Variants in EFNA5 observed in about 807,000 individuals in gnomAD.
EFNA5 encodes the protein ephrin-A5.
EFNA5 carries 5 observed loss-of-function variants against 22.9 expected under a neutral mutation model. The ratio of observed to expected loss-of-function variants is 0.22; its 90% CI spans 0.11 to 0.46. The LOEUF is 0.46. EFNA5 is among the 20% of genes least tolerant of loss of function. EFNA5 has a pLI of 0.99. For missense variants in EFNA5, 237 were observed against 293.3 expected, an observed-to-expected ratio of 0.81 and a Z score of 1.40; for synonymous variants, 113 against 112.2, an observed-to-expected ratio of 1.01 and a Z score of -0.04.
chr5:107,633,537 C>T (rs976315424), intron 1 of EFNA5, among the ~76,000 whole-genome samples: 1 of 152,242 alleles, frequency 6.6e-6, no homozygotes, highest in East Asian at 1.9e-4. Context: ...AACTTTTCCA[C>T]TTGTGAGCAC....
chr5:107,609,662 C>G (rs1263314893), intron 1 of EFNA5, among the ~76,000 whole-genome samples: 1 of 152,178 alleles, frequency 6.6e-6, no homozygotes, highest in African/African-American at 2.4e-5. Flanking sequence ...CAGTGTTATG[C>G]AGGGAAAACG....
intron 4 of EFNA5, among the ~76,000 whole-genome samples, chr5:107,382,336 C>G (rs1383407914): frequency 6.6e-6 from 1 of 152,086 alleles, no homozygotes; most frequent in Non-Finnish European, 1.5e-5. Context: ...TCCACCTGAC[C>G]TAACTTATGC....
At chr5:107,454,792 C>T (rs987458617) in intron 1 of EFNA5, among the ~76,000 whole-genome samples, 3 of 152,024 alleles carry the variant, frequency 2.0e-5, no homozygotes, top group Non-Finnish European at 4.4e-5. Context: ...AGGAAGAATA[C>T]ATTTCAGAAA....
Position 107,487,621 on chromosome 5 carries a change from T to C in EFNA5, c.126-60112A>G, listed in dbSNP as rs111865516. 7.8e-3 allele frequency among the ~76,000 whole-genome samples: 1,193 copies of C among 152,274 alleles called. 10 individuals are homozygous for C. Among genetic ancestry groups the C allele is most frequent in the African/African-American group, 0.025 (1,055 of 41,554 alleles). On this transcript the variant is annotated intron_variant, in intron 1 of 4. Coordinates refer to ENST00000333274, the MANE Select transcript of EFNA5 (RefSeq NM_001962.3). ...GGTGTCAAATTACAAAGAATGAGAA[T>C]TTTTCACTTGATCCAAAAGGTAATA... is the stretch of plus-strand genomic sequence containing the variant.
chr5:107,481,855 A>AAC (rs1328469933), intron 1 of EFNA5, among the ~76,000 whole-genome samples: 3 of 150,474 alleles, frequency 2.0e-5, no homozygotes, highest in African/African-American at 7.3e-5. Context: ...ATCTCAAAAA[A>AAC]AAAAAAAAGA....
intron 1 of EFNA5, among the ~76,000 whole-genome samples, chr5:107,515,525 T>C (rs1747458000): frequency 6.6e-6 from 1 of 151,706 alleles, no homozygotes. Flanking sequence ...ACTACAGGCA[T>C]GCGCCACCAC....
chr5:107,666,739 T>C (rs559111178), intron 1 of EFNA5, among the ~76,000 whole-genome samples: 7 of 152,256 alleles, frequency 4.6e-5, no homozygotes, highest in Admixed American at 1.3e-4. Flanking sequence ...GTAGGAGATA[T>C]GTTTAATTAC....
chr5:107,558,103 A>G (rs1369513642), intron 1 of EFNA5, among the ~76,000 whole-genome samples: 1 of 151,984 alleles, frequency 6.6e-6, no homozygotes, highest in Non-Finnish European at 1.5e-5. Context: ...TGAGAGGGGG[A>G]GGGGCATTAA....
intron 2 of EFNA5, among the ~76,000 whole-genome samples, chr5:107,405,305 TACAAATC>T (rs1385477763): frequency 6.6e-6 from 1 of 152,092 alleles, no homozygotes; most frequent in Non-Finnish European, 1.5e-5. Flanking sequence ...AAAAGGAACA[TACAAATC>T]AGAAACGTCT....
chr5:107,455,708 G>A (rs77430159), intron 1 of EFNA5, among the ~76,000 whole-genome samples: 3,460 of 152,188 alleles, frequency 0.023, 114 homozygotes, highest in African/African-American at 0.077. Flanking sequence ...CATCTCCTTA[G>A]GACAATGCAC....
chr5:107,478,133 A>G (rs1207459330), intron 1 of EFNA5, among the ~76,000 whole-genome samples: 2 of 152,174 alleles, frequency 1.3e-5, no homozygotes, highest in Non-Finnish European at 2.9e-5. Flanking sequence ...CTCATTACTC[A>G]GCTGTTTGTG....
At chr5:107,667,261 T>TCC (rs1751096932) in intron 1 of EFNA5, among the ~76,000 whole-genome samples, 1 of 152,124 alleles carries the variant, frequency 6.6e-6, no homozygotes, top group Non-Finnish European at 1.5e-5. Context: ...ATCAGTTTGG[T>TCC]CCCCTATCCA....
At chr5:107,489,194 G>A (rs1019972841) in intron 1 of EFNA5, among the ~76,000 whole-genome samples, 3 of 152,108 alleles carry the variant, frequency 2.0e-5, no homozygotes, top group Non-Finnish European at 4.4e-5. Context: ...TGTTTATTTA[G>A]ATGGAGTCTT....
At chr5:107,472,886 G>C (rs1473048014) in intron 1 of EFNA5, among the ~76,000 whole-genome samples, 1 of 152,174 alleles carries the variant, frequency 6.6e-6, no homozygotes, top group Non-Finnish European at 1.5e-5. Flanking sequence ...TAGGACCAAG[G>C]GATGCAAATG....
chr5:107,652,629 G>T (rs1414611239), intron 1 of EFNA5, among the ~76,000 whole-genome samples: 1 of 152,178 alleles, frequency 6.6e-6, no homozygotes, highest in East Asian at 1.9e-4. Flanking sequence ...CAGTGGAAAT[G>T]AATTAACAAT....
rs145367900 is a variant in EFNA5 at position 107,507,621 on chromosome 5, G to A, written c.126-80112C>T. Among the ~76,000 whole-genome samples the A allele has an allele frequency of 1.4e-4, 21 of 152,034 alleles. No homozygotes were observed. The East Asian group carries it at 3.9e-3, about 28-fold the overall frequency. The stretch of plus-strand genomic sequence containing the variant: ...GGAGGCCAAGGAAGGAGGACCGCTT[G>A]AGCTCAGGAGTTTGAGACCAGCCTG... On this transcript the variant is annotated intron_variant, in intron 1 of 4. Coordinates refer to ENST00000333274, the MANE Select transcript of EFNA5 (RefSeq NM_001962.3).
chr5:107,584,831 G>A (rs1006807158), intron 1 of EFNA5, among the ~76,000 whole-genome samples: 1 of 152,160 alleles, frequency 6.6e-6, no homozygotes, highest in Admixed American at 6.5e-5. Flanking sequence ...ATACTATGAG[G>A]CTCCATATAA....
In EFNA5 at chr5:107,611,576, C is replaced by A. The variant is rs1435927636; in HGVS notation, c.125+58913G>T. Among the ~76,000 whole-genome samples the A allele has an allele frequency of 2.0e-5, 3 of 152,092 alleles. No individual in the cohort carries two copies. In the East Asian group the frequency reaches 5.8e-4, roughly 29 times the overall value. On this transcript the variant is annotated intron_variant, in intron 1 of 4. Coordinates refer to ENST00000333274, the MANE Select transcript of EFNA5 (RefSeq NM_001962.3). ...TCTATTTCAGTGACACACATACATC[C>A]AGAAGGTTATTTCCTTTATTTTTCT... is the stretch of plus-strand genomic sequence containing the variant.
chr5:107,483,213 T>G (rs1012068850), intron 1 of EFNA5, among the ~76,000 whole-genome samples: 1 of 152,142 alleles, frequency 6.6e-6, no homozygotes, highest in Non-Finnish European at 1.5e-5. Flanking sequence ...TTGTTGTTGT[T>G]TTTTTCCCCT....
Sources: allele counts gnomAD v4.1 joint callset (sites outside exome capture counted in the v4.1 genomes callset), GRCh38; gene constraint gnomAD v4.1.1; transcripts MANE v1.5; gene names NCBI Gene and HGNC (gene_info 2026-07-23, HGNC 2026-07-21).